RNF216: variants seen among roughly 807,000 people sequenced by gnomAD.
RNF216 encodes the protein E3 ubiquitin-protein ligase RNF216.
A neutral mutation model predicts 110.8 loss-of-function variants in RNF216; 72 were observed. The ratio of observed to expected loss-of-function variants is 0.65; its 90% CI spans 0.54 to 0.79. The LOEUF is 0.79. Ranked by LOEUF, RNF216 falls within the 30% of genes least tolerant of loss-of-function variation. RNF216 has a pLI of 0.00. For missense variants in RNF216, 1,342 were observed against 1,141.2 expected, an observed-to-expected ratio of 1.18 and a Z score of -2.54; for synonymous variants, 495 against 407.5, an observed-to-expected ratio of 1.21 and a Z score of -2.59.
chr7:5,711,953 C>T (rs1438436240), intron 12 of RNF216, 114 bp from the exon 13 acceptor site: 3 of 784,422 alleles, frequency 3.8e-6, no homozygotes, highest in Non-Finnish European at 6.3e-6. Context: ...ATTCACATCC[C>T]CTTTATACTC....
chr7:5,779,461 ATG>A (rs764231631), intron 1 of RNF216, among the ~76,000 whole-genome samples: 267 of 152,160 alleles, frequency 1.8e-3, no homozygotes, highest in Non-Finnish European at 3.3e-3. Flanking sequence ...AAGCCAGGCC[ATG>A]TATTAGCCTT....
intron 13 of RNF216, 52 bp from the exon 14 acceptor site, chr7:5,652,562 G>C: frequency 2.5e-6 from 3 of 1,201,130 alleles, no homozygotes; most frequent in Non-Finnish European, 3.7e-6. Context: ...GGACACCACA[G>C]AAGTTCCTGT....
At chr7:5,712,888 A>G (rs76922575) in intron 11 of RNF216, 25 bp from the exon 12 acceptor site, 1 of 1,572,980 alleles carries the variant, frequency 6.4e-7, no homozygotes, top group Non-Finnish European at 8.6e-7. Context: ...AAAGGCAAAG[A>G]AAAAAAAATC....
At chr7:5,779,746 T>C (rs1039491020) in intron 1 of RNF216, among the ~76,000 whole-genome samples, 2 of 149,674 alleles carry the variant, frequency 1.3e-5, no homozygotes, top group East Asian at 2.0e-4. Flanking sequence ...GGAGAATTAC[T>C]TGAAGCTGGC....
At position 5,768,158 on chromosome 7, in the gene RNF216, A is replaced by T. The variant is rs530419285; in HGVS notation, c.-69-7020T>A. On this transcript the variant is annotated intron_variant, in intron 1 of 16. Transcript: ENST00000389902. ...CATTCATAATGTCCAGACTTTGATT[A>T]AAAAAAAAATTACCAGGTGCGGTAG... Among the ~76,000 whole-genome samples the T allele has an allele frequency of 1.0e-3, 155 of 149,808 alleles. 2 individuals are homozygous for T. The highest frequency in any genetic ancestry group is 9.4e-3 in the Admixed American group (140 of 14,928).
At chr7:5,627,213 A>AAC (rs1188609282) in intron 15 of RNF216, among the ~76,000 whole-genome samples, 1 of 152,182 alleles carries the variant, frequency 6.6e-6, no homozygotes, top group Non-Finnish European at 1.5e-5. Flanking sequence ...AACTGGGACA[A>AAC]ACACACACAC....
At chr7:5,698,378 C>A (rs558959108) in intron 13 of RNF216, among the ~76,000 whole-genome samples, 1 of 140,804 alleles carries the variant, frequency 7.1e-6, no homozygotes, top group Non-Finnish European at 1.5e-5. Context: ...GTCTTAGATT[C>A]TTTTATACAC....
In RNF216 at chr7:5,660,943, G is replaced by GTTTTGTTTTT. The variant is rs1554352520; in HGVS notation, c.2062-8434_2062-8433insAAAAACAAAA. Among the ~76,000 whole-genome samples, 247 of 90,168 alleles carry GTTTTGTTTTT rather than the reference G, an allele frequency of 2.7e-3. 2 individuals carry two copies. The highest frequency in any genetic ancestry group is 0.013 in the African/African-American group (234 of 18,284). 59.2% of individuals were successfully genotyped at this position (90,168 alleles called of 152,430 possible). On this transcript the variant is annotated intron_variant, in intron 13 of 16. Transcript: ENST00000389902. ...TAGCTCCATGCTCCTGAAGCCTTAG[G>GTTTTGTTTTT]TTTTTTTTTTTTTTTTTTTTTTTTT...
intron 13 of RNF216, among the ~76,000 whole-genome samples, chr7:5,672,924 C>G (rs777205444): frequency 4.6e-5 from 7 of 152,160 alleles, no homozygotes; most frequent in Non-Finnish European, 8.8e-5. Flanking sequence ...AGGGGGATGT[C>G]TTGAAATTGG....
intron 10 of RNF216, among the ~76,000 whole-genome samples, chr7:5,715,736 CTTTTTTTTTTT>C (rs58929486): frequency 8.8e-6 from 1 of 113,824 alleles, no homozygotes; most frequent in Non-Finnish European, 1.9e-5. Flanking sequence ...CCAACTCATT[CTTTTTTTTTTT>C]TTTTTTTTTT....
intron 14 of RNF216, among the ~76,000 whole-genome samples, chr7:5,647,320 CTT>C (rs1241268514): frequency 7.6e-5 from 9 of 118,590 alleles, no homozygotes; most frequent in Non-Finnish European, 1.4e-4. Context: ...CCTTCATTTT[CTT>C]TCTTTCTTTT....
intron 7 of RNF216, among the ~76,000 whole-genome samples, chr7:5,726,730 G>T (rs755844397): frequency 8.6e-5 from 13 of 151,888 alleles, no homozygotes; most frequent in Non-Finnish European, 1.6e-4. Flanking sequence ...GTGGTAGCAA[G>T]CGCCTGTAAT....
At chr7:5,753,123 A>AT in intron 2 of RNF216, 144 bp from the exon 3 acceptor site, 2 of 697,198 alleles carry the variant, frequency 2.9e-6, no homozygotes, top group Non-Finnish European at 4.4e-6. Flanking sequence ...CGTGCACTTA[A>AT]GCATTAAGAG....
intron 13 of RNF216, among the ~76,000 whole-genome samples, chr7:5,695,035 C>T (rs1791541245): frequency 6.6e-6 from 1 of 152,156 alleles, no homozygotes; most frequent in South Asian, 2.1e-4. Context: ...AAAAAATACA[C>T]TAATGGGCCA....
At chr7:5,729,396 G>C in intron 7 of RNF216, 36 bp downstream of exon 7, 1 of 1,603,724 alleles carries the variant, frequency 6.2e-7, no homozygotes, top group Non-Finnish European at 8.5e-7. Context: ...ATGTAGTCAA[G>C]AGGTGTGACC....
intron 3 of RNF216, among the ~76,000 whole-genome samples, chr7:5,749,122 T>C (rs538321138): frequency 1.5e-4 from 23 of 151,236 alleles, no homozygotes; most frequent in African/African-American, 5.6e-4. Context: ...AAAACAGCTG[T>C]GTTCTGATCA....
At chr7:5,722,579 A>G (rs1425765991) in intron 8 of RNF216, among the ~76,000 whole-genome samples, 1 of 150,930 alleles carries the variant, frequency 6.6e-6, no homozygotes, top group Admixed American at 6.6e-5. Flanking sequence ...TTTAGTAAAG[A>G]CGGGGTTTCA....
rs916447925 is a variant in RNF216 at position 5,743,659 on chromosome 7, T to C, written c.202-1844A>G. 2.0e-5 allele frequency among the ~76,000 whole-genome samples: 3 copies of C among 152,202 alleles called. 1 individual carries two copies. Among genetic ancestry groups the C allele is most frequent in the Admixed American group, 1.3e-4 (2 of 15,272 alleles). On this transcript the variant is annotated intron_variant, in intron 3 of 16. Coordinates refer to ENST00000389902, the MANE Select transcript of RNF216 (RefSeq NM_207111.4). ...AAGTATGTATATGTACCCACATGTA[T>C]ATACACATGGATACATACAAATTCA...
chr7:5,777,143 C>T (rs558553071), intron 1 of RNF216, among the ~76,000 whole-genome samples: 3 of 150,084 alleles, frequency 2.0e-5, no homozygotes, highest in Non-Finnish European at 4.5e-5. Context: ...TTCCAGCAGT[C>T]TTTGACAAGG....
Sources: gnomAD v4.1 joint callset for allele counts (sites outside exome capture counted in the v4.1 genomes callset) on GRCh38, gnomAD v4.1.1 for gene constraint, MANE v1.5 for transcripts, NCBI Gene and HGNC (gene_info 2026-07-23, HGNC 2026-07-21) for gene names.